The following UVRAG variants were observed in gnomAD, a reference collection of about 807,000 sequenced individuals.
UVRAG encodes UV radiation resistance associated.
A neutral mutation model predicts 78.0 loss-of-function variants in UVRAG; 19 were observed. The observed-to-expected ratio is 0.24, with a 90% CI of 0.17 to 0.36. The LOEUF is 0.36. Ranked by LOEUF, UVRAG falls within the 10% of genes least tolerant of loss-of-function variation. The pLI is 1.00. For missense variants in UVRAG, 740 were observed against 853.8 expected (o/e 0.87, Z 1.66); for synonymous variants, 323 against 324.6 (o/e 1.00, Z 0.05).
chr11:75,862,619 C>T (rs986251057), intron 3 of UVRAG, among the ~76,000 whole-genome samples: 1 of 152,326 alleles, frequency 6.6e-6, no homozygotes, highest in African/African-American at 2.4e-5. Flanking sequence ...CTCAGCTGTT[C>T]GCTTGACTGA....
chr11:76,118,001 G>C (rs1295690059), intron 14 of UVRAG, among the ~76,000 whole-genome samples: 1 of 152,158 alleles, frequency 6.6e-6, no homozygotes, highest in Non-Finnish European at 1.5e-5. Flanking sequence ...CAAAACTCTT[G>C]GCTTTTCTTG....
chr11:76,071,365 T>C (rs146953405), intron 13 of UVRAG, among the ~76,000 whole-genome samples: 73 of 152,310 alleles, frequency 4.8e-4, no homozygotes, highest in African/African-American at 1.7e-3. Context: ...GAAAGAGCTA[T>C]GTTGAGGTAA....
chr11:76,109,317 C>T (rs150755283), intron 13 of UVRAG, among the ~76,000 whole-genome samples: 70 of 152,282 alleles, frequency 4.6e-4, no homozygotes, highest in African/African-American at 1.6e-3. Flanking sequence ...TTGTTTCCCT[C>T]GTTCACTCTC....
intron 6 of UVRAG, among the ~76,000 whole-genome samples, chr11:75,918,769 A>G (rs1430693754): frequency 1.3e-5 from 2 of 152,150 alleles, no homozygotes; most frequent in Admixed American, 6.5e-5. Context: ...AAATTGAACT[A>G]TTGTTCAGGT....
intron 12 of UVRAG, among the ~76,000 whole-genome samples, chr11:76,035,556 A>G (rs367751445): frequency 2.0e-4 from 31 of 152,334 alleles, no homozygotes; most frequent in African/African-American, 7.2e-4. Context: ...TCACAGTCTC[A>G]GAATGATAAA....
chr11:75,966,351 T>A (rs1260334511), intron 7 of UVRAG, among the ~76,000 whole-genome samples: 1 of 152,214 alleles, frequency 6.6e-6, no homozygotes, highest in Non-Finnish European at 1.5e-5. Context: ...TACAATGTTT[T>A]GAATTGCGTT....
At chr11:75,998,013 T>C (rs1391691643) in intron 8 of UVRAG, among the ~76,000 whole-genome samples, 27 of 152,198 alleles carry the variant, frequency 1.8e-4, no homozygotes, top group Admixed American at 1.7e-3. Flanking sequence ...ACTGGACTTT[T>C]ATCGCCAACC....
At chr11:76,028,104 T>C (rs1413473577) in intron 12 of UVRAG, among the ~76,000 whole-genome samples, 2 of 152,152 alleles carry the variant, frequency 1.3e-5, no homozygotes, top group African/African-American at 2.4e-5. Flanking sequence ...TTATTAACTT[T>C]CACAATATTT....
intron 7 of UVRAG, among the ~76,000 whole-genome samples, chr11:75,975,223 A>G (rs1463254755): frequency 6.6e-6 from 1 of 152,106 alleles, no homozygotes; most frequent in South Asian, 2.1e-4. Context: ...CCATTGATCT[A>G]TATCTCTGTT....
intron 12 of UVRAG, among the ~76,000 whole-genome samples, chr11:76,027,708 A>C (rs1040529080): frequency 3.3e-5 from 5 of 152,162 alleles, no homozygotes; most frequent in Non-Finnish European, 7.4e-5. Flanking sequence ...TGAGCTTTGC[A>C]ATAGGAATCC....
intron 1 of UVRAG, among the ~76,000 whole-genome samples, chr11:75,828,820 T>TAGAGAC (rs1217755780): frequency 2.2e-5 from 3 of 138,380 alleles, no homozygotes; most frequent in Admixed American, 1.5e-4. Flanking sequence ...TTTTTTTTTG[T>TAGAGAC]AGAGACAGGG....
chr11:75,866,803 A>G (rs1946549439), intron 3 of UVRAG, among the ~76,000 whole-genome samples: 1 of 152,214 alleles, frequency 6.6e-6, no homozygotes, highest in Non-Finnish European at 1.5e-5. Context: ...GTATGTATCC[A>G]AATCTAAGTT....
At chr11:76,020,313 T>G (rs2135377582) in intron 12 of UVRAG, among the ~76,000 whole-genome samples, 1 of 152,228 alleles carries the variant, frequency 6.6e-6, no homozygotes, top group South Asian at 2.1e-4. Context: ...AAAGCCCATT[T>G]GGTGCTCTAC....
intron 8 of UVRAG, among the ~76,000 whole-genome samples, chr11:75,985,943 T>C (rs2135284008): frequency 6.6e-6 from 1 of 152,336 alleles, no homozygotes; most frequent in South Asian, 2.1e-4. Flanking sequence ...ATAATAGGTG[T>C]TGATATCCAT....
At chr11:75,857,504 T>G (rs1171226379) in intron 2 of UVRAG, among the ~76,000 whole-genome samples, 2 of 151,112 alleles carry the variant, frequency 1.3e-5, no homozygotes, top group Non-Finnish European at 3.0e-5. Context: ...CCCCTTTTTT[T>G]TTTGAGATGG....
chr11:76,115,832 A>C (rs1952166899), intron 13 of UVRAG, 92 bp from the exon 14 acceptor site: 1 of 1,112,740 alleles, frequency 9.0e-7, no homozygotes, highest in Non-Finnish European at 1.3e-6. Context: ...TTCCTCTTTT[A>C]GAGTTCAAAA....
intron 1 of UVRAG, among the ~76,000 whole-genome samples, chr11:75,847,969 C>CAAAAAA (rs35386754): frequency 1.4e-5 from 1 of 69,830 alleles, no homozygotes; most frequent in African/African-American, 4.6e-5. Context: ...GACTGTGTCT[C>CAAAAAA]AAAAAAAAAA....
chr11:75,959,578 G>A (rs919286378), intron 6 of UVRAG, among the ~76,000 whole-genome samples: 6 of 152,292 alleles, frequency 3.9e-5, no homozygotes, highest in East Asian at 1.9e-4. Flanking sequence ...GTTTGATCTT[G>A]CATCCAGACC....
chr11:75,824,810 A>G (rs2135809124), intron 1 of UVRAG, among the ~76,000 whole-genome samples: 1 of 149,836 alleles, frequency 6.7e-6, no homozygotes, highest in Non-Finnish European at 1.5e-5. Flanking sequence ...AGTAGCTGGG[A>G]CTACAGGCGC....
Sources: gnomAD v4.1 joint callset for allele counts (sites outside exome capture counted in the v4.1 genomes callset) on GRCh38, gnomAD v4.1.1 for gene constraint, MANE v1.5 for transcripts, NCBI Gene and HGNC (gene_info 2026-07-23, HGNC 2026-07-21) for gene names.